The following DYTN variants were observed in gnomAD, a reference collection of about 807,000 sequenced individuals.
DYTN encodes dystrotelin.
DYTN carries 75 observed loss-of-function variants against 69.6 expected under a neutral mutation model. That is an observed-to-expected ratio of 1.08 (90% confidence interval 0.89 to 1.31). The LOEUF is 1.31. Among genes scored for constraint, DYTN ranks in the 50% most tolerant of loss-of-function variants. The probability of loss-of-function intolerance (pLI) is 0.00; values close to 1 mark genes in which losing one functional copy is unlikely to be tolerated. For missense variants in DYTN, 726 were observed against 688.4 expected, an observed-to-expected ratio of 1.05 and a Z score of -0.61; for synonymous variants, 252 against 249.1, an observed-to-expected ratio of 1.01 and a Z score of -0.11.
intron 11 of DYTN, among the ~76,000 whole-genome samples, chr2:206,653,197 GC>G (rs990757508): frequency 3.9e-5 from 6 of 152,064 alleles, no homozygotes; most frequent in Non-Finnish European, 7.4e-5. Context: ...CGTTTCTCAG[GC>G]CACAGTGATA....
chr2:206,671,008 G>A (rs1459034580), intron 9 of DYTN, among the ~76,000 whole-genome samples: 1 of 152,066 alleles, frequency 6.6e-6, no homozygotes, highest in African/African-American at 2.4e-5. Context: ...AATCCACCAA[G>A]TGTTTTGAAT....
intron 9 of DYTN, among the ~76,000 whole-genome samples, chr2:206,680,217 A>G (rs74481421): frequency 6.6e-6 from 1 of 152,172 alleles, no homozygotes; most frequent in Non-Finnish European, 1.5e-5. Context: ...AGCAGGCAAG[A>G]GAGTGTGTGC....
At chr2:206,710,436 A>G in intron 2 of DYTN, 88 bp downstream of exon 2, 1 of 1,246,554 alleles carries the variant, frequency 8.0e-7, no homozygotes, top group Non-Finnish European at 1.1e-6. Flanking sequence ...AGTCAGCTGC[A>G]TGGGGGGAGT....
chr2:206,692,924 T>C (rs1699880027), intron 9 of DYTN, among the ~76,000 whole-genome samples: 1 of 152,222 alleles, frequency 6.6e-6, no homozygotes, highest in Non-Finnish European at 1.5e-5. Flanking sequence ...TCTTTGTCTT[T>C]CTGATGGTTT....
At chr2:206,715,584 T>A in intron 1 of DYTN, among the ~76,000 whole-genome samples, 1 of 151,154 alleles carries the variant, frequency 6.6e-6, no homozygotes, top group East Asian at 1.9e-4. Context: ...TAGGGTGAGG[T>A]GAGGGAGAAT....
rs1699450175 is a variant in DYTN, at chr2:206,656,579, T to C, written c.1634-4658A>G. Reference sequence around the variant, plus strand: ...CCCCTCTTCTTCTAGTTTGCTGTCTTTTTAAAAAAATATTATTTCGTTTTT... The same window carrying C: ...CCCCTCTTCTTCTAGTTTGCTGTCTCTTTAAAAAAATATTATTTCGTTTTT... On this transcript the variant is annotated intron_variant, in intron 11 of 11. Coordinates refer to ENST00000452335, the MANE Select transcript of DYTN (RefSeq NM_001093730.1). 2.0e-5 allele frequency among the ~76,000 whole-genome samples: 3 copies of C among 152,116 alleles called. 1 individual carries two copies. Among genetic ancestry groups the C allele is most frequent in the Admixed American group, 2.0e-4 (3 of 15,278 alleles).
At chr2:206,678,605 C>A (rs988910993) in intron 9 of DYTN, among the ~76,000 whole-genome samples, 3 of 151,932 alleles carry the variant, frequency 2.0e-5, no homozygotes, top group African/African-American at 7.3e-5. Flanking sequence ...AATTATATAA[C>A]CATTAAGATG....
At chr2:206,657,262 C>T (rs1055699415) in intron 11 of DYTN, among the ~76,000 whole-genome samples, 4 of 152,062 alleles carry the variant, frequency 2.6e-5, no homozygotes, top group African/African-American at 7.2e-5. Flanking sequence ...TATAGGCATG[C>T]GTCACCACAC....
At chr2:206,677,961 G>A (rs987448135) in intron 9 of DYTN, among the ~76,000 whole-genome samples, 1 of 151,846 alleles carries the variant, frequency 6.6e-6, no homozygotes, top group African/African-American at 2.4e-5. Flanking sequence ...CTGTGCTCCA[G>A]CCTGGGTGAC....
At chr2:206,674,556 A>G (rs550991386) in intron 9 of DYTN, among the ~76,000 whole-genome samples, 2 of 152,170 alleles carry the variant, frequency 1.3e-5, no homozygotes, top group South Asian at 4.1e-4. Context: ...ACAAGAAAAG[A>G]TGAAATATGA....
At position 206,676,248 on chromosome 2, in the gene DYTN, AT is replaced by A. The variant is rs1699685379; in HGVS notation, c.981-10220del. Among the ~76,000 whole-genome samples, 4 of 152,378 alleles carry A rather than the reference AT, an allele frequency of 2.6e-5. No individual in the cohort carries two copies. The East Asian group carries it at 7.7e-4, about 29-fold the overall frequency. The stretch of plus-strand genomic sequence containing the variant: ...ATACACCATGGAATACTATGCAGTC[AT>A]AAAAAAGAATGAGTTCATGTCCTTT... On this transcript the variant is annotated intron_variant, in intron 9 of 11. Transcript: ENST00000452335.
intron 1 of DYTN, among the ~76,000 whole-genome samples, chr2:206,712,227 T>C (rs948247327): frequency 1.3e-5 from 2 of 152,126 alleles, no homozygotes; most frequent in African/African-American, 4.8e-5. Flanking sequence ...GGGGTGAGAA[T>C]CTAAGGAATA....
chr2:206,712,141 CA>C (rs1700083954), intron 1 of DYTN, among the ~76,000 whole-genome samples: 1 of 152,182 alleles, frequency 6.6e-6, no homozygotes, highest in African/African-American at 2.4e-5. Flanking sequence ...CCAACCACAG[CA>C]GCAACATCGC....
intron 1 of DYTN, among the ~76,000 whole-genome samples, chr2:206,712,209 G>A (rs942563074): frequency 9.2e-5 from 14 of 152,172 alleles, no homozygotes; most frequent in Admixed American, 2.6e-4. Context: ...CGCCAACGTC[G>A]GAATCTAGGG....
chr2:206,677,294 A>C (rs910087913), intron 9 of DYTN, among the ~76,000 whole-genome samples: 2 of 152,232 alleles, frequency 1.3e-5, no homozygotes, highest in African/African-American at 4.8e-5. Context: ...ATTGGTTAAC[A>C]AAATGAAATA....
In DYTN at chr2:206,652,636, T is replaced by A. The variant is rs1559302168; in HGVS notation, c.1634-715A>T. On this transcript the variant is annotated intron_variant, in intron 11 of 11. Transcript: ENST00000452335. The stretch of plus-strand genomic sequence containing the variant: ...TAATTATATACCAATAAATAAATTA[T>A]AGTGCATTTGTACCCTGAGATATTA... Among the ~76,000 whole-genome samples the A allele has an allele frequency of 3.9e-5, 6 of 152,378 alleles. No individual in the cohort carries two copies. In the South Asian group the frequency reaches 1.2e-3, roughly 32 times the overall value.
At chr2:206,672,273 T>C (rs1481271143) in intron 9 of DYTN, among the ~76,000 whole-genome samples, 5 of 152,310 alleles carry the variant, frequency 3.3e-5, no homozygotes, top group African/African-American at 9.6e-5. Context: ...TAAGATAGGA[T>C]GTAGCAACTT....
intron 10 of DYTN, among the ~76,000 whole-genome samples, chr2:206,663,717 T>A (rs966193774): frequency 1.8e-4 from 27 of 152,322 alleles, no homozygotes; most frequent in Middle Eastern, 6.8e-3. Context: ...ATATGTTGAA[T>A]TGACAGATAA....
chr2:206,708,358 T>C (rs970302009), intron 2 of DYTN, among the ~76,000 whole-genome samples: 5 of 152,186 alleles, frequency 3.3e-5, no homozygotes, highest in African/African-American at 7.2e-5. Context: ...TCCTGGCATT[T>C]AAAACGCTTC....
Sources: allele counts gnomAD v4.1 joint callset (sites outside exome capture counted in the v4.1 genomes callset), GRCh38; gene constraint gnomAD v4.1.1; transcripts MANE v1.5; gene names NCBI Gene and HGNC (gene_info 2026-07-23, HGNC 2026-07-21).